The following IGF1R variants were observed in gnomAD, a reference collection of about 807,000 sequenced individuals.
IGF1R encodes insulin like growth factor 1 receptor, also known as insulin-like growth factor 1 receptor.
In IGF1R, 44 loss-of-function variants were observed where a neutral mutation model predicts 144.6. The observed-to-expected ratio is 0.30, with a 90% confidence interval of 0.24 to 0.39. IGF1R has a LOEUF of 0.39. Among genes scored for constraint, IGF1R ranks in the 10% least tolerant of loss-of-function variants. The probability of loss-of-function intolerance (pLI) is 1.00; values close to 1 mark genes in which losing one functional copy is unlikely to be tolerated. For synonymous variants in IGF1R, 795 were observed against 722.8 expected (o/e 1.10, Z -1.60); for missense variants, 1,355 against 1,833.7 (o/e 0.74, Z 4.77).
intron 2 of IGF1R, among the ~76,000 whole-genome samples, chr15:98,845,485 T>C (rs2011283643): frequency 1.0e-5 from 1 of 100,314 alleles, no homozygotes; most frequent in African/African-American, 3.9e-5. Flanking sequence ...TCCTCCCTCC[T>C]CCTCCTTCCT....
In IGF1R at chr15:98,923,681, G is replaced by A. The variant is rs1282880103; in HGVS notation, c.2486-195G>A. On this transcript the variant is annotated intron_variant, in intron 11 of 20. Transcript: ENST00000650285. ...TTCTGAACCCTCCGCTGTGTGAGCA[G>A]CCCGCTCAGGGGCAGTGTACGTGGC... is the stretch of plus-strand genomic sequence containing the variant. 2.7e-5 allele frequency: 16 copies of A among 601,424 alleles called. No individual in the cohort carries two copies. The East Asian group carries it at 4.5e-4, about 17-fold the overall frequency. The allele number at this position is 601,424 out of a possible 1,614,324, so 37.3% of individuals were successfully genotyped here.
At chr15:98,774,327 A>T (rs41399748) in intron 2 of IGF1R, among the ~76,000 whole-genome samples, 20,799 of 152,218 alleles carry the variant, frequency 0.14, 1,638 homozygotes, top group East Asian at 0.26. Context: ...AACACAAGAC[A>T]GATCAAAAAT....
Position 98,935,384 on chromosome 15 carries a change from C to T in IGF1R, c.3255C>T (p.Gly1085=), listed in dbSNP as rs202075900. 1.1e-4 allele frequency: 170 copies of T among 1,551,370 alleles called. No homozygotes were observed. The highest frequency in any genetic ancestry group is 5.1e-4 in the East Asian group (21 of 40,910). ...TLVIMELMTR[G]DLKSYLRSLR... is the part of the protein sequence containing the mutation. ...TCATCATGGAACTGATGACACGGGG[C>T]GATCTCAAAAGTTATCTCCGGTCTC... is the stretch of plus-strand genomic sequence containing the variant. Residue 1085 remains glycine (G), a synonymous_variant, in exon 17 of 21, where the codon GGC becomes GGT. Transcript: ENST00000650285. The surrounding 1 kb of genome is among the most constrained non-coding windows in gnomAD (Gnocchi z 4.2).
At position 98,916,732 on chromosome 15, in the gene IGF1R, A is replaced by G; in HGVS notation, c.2057A>G (p.Asn686Ser). Reference sequence around the variant, plus strand: ...ATCGACATTGAGGAGGTCACAGAGAACCCCAAGACTGAGGTGTGTGGTGGG... The same window carrying G: ...ATCGACATTGAGGAGGTCACAGAGAGCCCCAAGACTGAGGTGTGTGGTGGG... ...GTIDIEEVTE[N>S]PKTEVCGGEK... Residue 686 changes from asparagine to serine, a missense_variant, in exon 10 of 21, where the codon AAC (asparagine) becomes AGC (serine). This residue lies in a region of IGF1R where 880 missense variants were observed against 1,202.7 expected (regional missense o/e 0.73). Transcript: ENST00000650285. The G allele has an allele frequency of 6.2e-7, 1 of 1,613,990 alleles. No homozygotes were observed. Among genetic ancestry groups the G allele is most frequent in the South Asian group, 1.1e-5 (1 of 91,054 alleles).
intron 1 of IGF1R, among the ~76,000 whole-genome samples, chr15:98,652,607 G>GT (rs1329029163): frequency 1.3e-5 from 2 of 152,222 alleles, no homozygotes; most frequent in Admixed American, 1.3e-4. Context: ...ATATGCTAAG[G>GT]TTGAATAGAT....
At chr15:98,651,621 T>A (rs886829820) in intron 1 of IGF1R, among the ~76,000 whole-genome samples, 3 of 152,260 alleles carry the variant, frequency 2.0e-5, no homozygotes, top group Non-Finnish European at 4.4e-5. Context: ...TCGGGCATTT[T>A]AAAATAGGCT....
chr15:98,903,526 C>T (rs1248134399), intron 5 of IGF1R, among the ~76,000 whole-genome samples: 1 of 152,182 alleles, frequency 6.6e-6, no homozygotes, highest in Non-Finnish European at 1.5e-5. Context: ...CCTAGCAATT[C>T]CGGGATCCAC....
At chr15:98,861,588 G>A (rs977865027) in intron 2 of IGF1R, among the ~76,000 whole-genome samples, 15 of 152,196 alleles carry the variant, frequency 9.9e-5, no homozygotes. Flanking sequence ...GAGACAGCAT[G>A]GTCTGACAGA....
intron 2 of IGF1R, among the ~76,000 whole-genome samples, chr15:98,781,679 T>G (rs2055864631): frequency 6.6e-6 from 1 of 152,346 alleles, no homozygotes; most frequent in Non-Finnish European, 1.5e-5. Flanking sequence ...ATATGTAAAC[T>G]ACTTAGAACT....
intron 2 of IGF1R, among the ~76,000 whole-genome samples, chr15:98,735,163 C>T (rs1029051296): frequency 6.6e-6 from 1 of 152,106 alleles, no homozygotes; most frequent in Non-Finnish European, 1.5e-5. Context: ...AGGTGACCAC[C>T]CCTCGTTTCA....
chr15:98,911,497 G>A (rs1017599262), intron 7 of IGF1R, 56 bp downstream of exon 7: 3 of 1,611,758 alleles, frequency 1.9e-6, no homozygotes, highest in East Asian at 2.2e-5. Flanking sequence ...AATGGGAGAG[G>A]CCAGTCTTTC....
At position 98,963,585 on chromosome 15, in the gene IGF1R, C is replaced by A. The variant is rs1395436300; in HGVS notation, c.*6143C>A. 4.3e-6 allele frequency: 1 copy of A among 233,260 alleles called. No homozygotes were observed. The highest frequency in any genetic ancestry group is 8.5e-6 in the Non-Finnish European group (1 of 118,060). 14.4% of individuals were successfully genotyped at this position (233,260 alleles called of 1,614,324 possible). A position where few individuals can be genotyped will look rare whatever the true frequency, so the allele number is the denominator to read the frequency against. On this transcript the variant is annotated 3_prime_UTR_variant, in exon 21 of 21. Transcript: ENST00000650285. The stretch of plus-strand genomic sequence containing the variant: ...GCTGCCGTCATTGTCAGCACAGTGC[C>A]ATGGACATGGGAAGACTTGACTGCA...
In IGF1R at chr15:98,957,516, T is replaced by G; in HGVS notation, c.*74T>G. 1.3e-6 allele frequency: 2 copies of G among 1,587,316 alleles called. No homozygotes were observed. Among genetic ancestry groups the G allele is most frequent in the Admixed American group, 1.7e-5 (1 of 59,600 alleles). On this transcript the variant is annotated 3_prime_UTR_variant, in exon 21 of 21. Transcript: ENST00000650285. ...CGGGGTGGGGGGGGAGAGAGAGTTT[T>G]AACAATCCATTCACAAGCCTCCTGT...
intron 1 of IGF1R, among the ~76,000 whole-genome samples, chr15:98,680,376 C>T (rs1186691659): frequency 1.3e-5 from 2 of 151,872 alleles, no homozygotes; most frequent in African/African-American, 4.8e-5. Flanking sequence ...ACGCCATTCT[C>T]CTGCCTCAGC....
At chr15:98,702,989 C>G (rs1174641472) in intron 1 of IGF1R, among the ~76,000 whole-genome samples, 1 of 151,862 alleles carries the variant, frequency 6.6e-6, no homozygotes, top group Non-Finnish European at 1.5e-5. Flanking sequence ...TGAATTCTAC[C>G]CAGGTACCAA....
intron 2 of IGF1R, among the ~76,000 whole-genome samples, chr15:98,817,549 T>A (rs2056721728): frequency 6.6e-6 from 1 of 151,950 alleles, no homozygotes; most frequent in African/African-American, 2.4e-5. Flanking sequence ...TAAGGGAGAT[T>A]GGAAGGTCCA....
intron 1 of IGF1R, among the ~76,000 whole-genome samples, chr15:98,672,336 G>A (rs184719278): frequency 3.3e-5 from 5 of 152,108 alleles, no homozygotes; most frequent in African/African-American, 4.8e-5. Context: ...AGGCCGAGGC[G>A]GGCGGATCAC....
chr15:98,818,130 C>A (rs2141472386), intron 2 of IGF1R, among the ~76,000 whole-genome samples: 1 of 152,300 alleles, frequency 6.6e-6, no homozygotes, highest in South Asian at 2.1e-4. Flanking sequence ...CTCATTTGAT[C>A]TTAATTGTCT....
At chr15:98,660,941 C>T (rs146465276) in intron 1 of IGF1R, among the ~76,000 whole-genome samples, 1,552 of 152,232 alleles carry the variant, frequency 0.01, 15 homozygotes, top group Admixed American at 0.019. Flanking sequence ...TCCGGAGTGG[C>T]CTGGTGCAGA....
Sources: allele counts gnomAD v4.1 joint callset (sites outside exome capture counted in the v4.1 genomes callset), GRCh38; gene constraint gnomAD v4.1.1; regional missense constraint gnomAD v4.1.1; non-coding constraint Gnocchi (gnomAD v3.1); transcripts MANE v1.5; gene names NCBI Gene and HGNC (gene_info 2026-07-23, HGNC 2026-07-21).